The following RERE variants were observed in gnomAD, a reference collection of about 807,000 sequenced individuals.
RERE encodes the protein arginine-glutamic acid dipeptide repeats protein.
A neutral mutation model predicts 146.1 loss-of-function variants in RERE; 40 were observed. The ratio of observed to expected loss-of-function variants is 0.27; its 90% CI spans 0.21 to 0.36. The LOEUF is 0.36. Among genes scored for constraint, RERE ranks in the 10% least tolerant of loss-of-function variants. The pLI is 1.00. For synonymous variants in RERE, 1,003 were observed against 866.0 expected (o/e 1.16, Z -2.78); for missense variants, 1,933 against 2,138.7 (o/e 0.90, Z 1.90).
chr1:8,562,788 A>G (rs1306722699), intron 4 of RERE, among the ~76,000 whole-genome samples: 3 of 152,086 alleles, frequency 2.0e-5, no homozygotes. Flanking sequence ...TAAATTATAG[A>G]CCCTGGCTGG....
chr1:8,772,885 T>C (rs6677718), intron 1 of RERE, among the ~76,000 whole-genome samples: 82,588 of 151,980 alleles, frequency 0.54, 23,110 homozygotes, highest in East Asian at 0.83. Flanking sequence ...GGCCAGGAGT[T>C]CAAGGCCAGC....
chr1:8,372,332 G>A (rs115189806), intron 12 of RERE, among the ~76,000 whole-genome samples: 402 of 152,188 alleles, frequency 2.6e-3, no homozygotes, highest in African/African-American at 9.5e-3. Flanking sequence ...AGAAGCATAA[G>A]GGTACACCCA....
intron 12 of RERE, among the ~76,000 whole-genome samples, chr1:8,402,322 G>C (rs530658718): frequency 7.2e-5 from 11 of 152,302 alleles, no homozygotes; most frequent in African/African-American, 2.6e-4. Flanking sequence ...ATCACAGCCA[G>C]GTGGCAGAAA....
chr1:8,589,931 C>T (rs1440116995), intron 4 of RERE, among the ~76,000 whole-genome samples: 1 of 152,232 alleles, frequency 6.6e-6, no homozygotes, highest in African/African-American at 2.4e-5. Context: ...CTAGGTAGAA[C>T]ATCTCTTGTC....
At chr1:8,570,257 A>G (rs1557691305) in intron 4 of RERE, among the ~76,000 whole-genome samples, 1 of 152,056 alleles carries the variant, frequency 6.6e-6, no homozygotes, top group East Asian at 1.9e-4. Flanking sequence ...GAATTGCTTG[A>G]ACCGGGGAAG....
intron 2 of RERE, among the ~76,000 whole-genome samples, chr1:8,637,758 T>C (rs991536955): frequency 1.3e-5 from 2 of 152,228 alleles, no homozygotes; most frequent in East Asian, 1.9e-4. Flanking sequence ...TTTGTTGACA[T>C]TAAAGTTACA....
chr1:8,815,084 T>G (rs1343528171), intron 1 of RERE, among the ~76,000 whole-genome samples: 1 of 152,180 alleles, frequency 6.6e-6, no homozygotes, highest in Non-Finnish European at 1.5e-5. Context: ...CAGTAGAAGG[T>G]GCTATTCTGC....
At chr1:8,401,029 A>C (rs1643236554) in intron 12 of RERE, among the ~76,000 whole-genome samples, 1 of 74,668 alleles carries the variant, frequency 1.3e-5, no homozygotes, top group Non-Finnish European at 2.7e-5. Context: ...AAAAAAAAAA[A>C]AAAAAAACCA....
At position 8,352,975 on chromosome 1, in the gene RERE, T is replaced by C. The variant is rs1641154268; in HGVS notation, c.*2112A>G. ...TAACTGAATGGTAGATGTTGTGTTC[T>C]ACCAAAAAGAAAGAAAAACCAGAAG... On this transcript the variant is annotated 3_prime_UTR_variant, in exon 23 of 23. Coordinates refer to ENST00000400908, the MANE Select transcript of RERE (RefSeq NM_001042681.2). 1 of 152,502 alleles carries C rather than the reference T, an allele frequency of 6.6e-6. No homozygotes were observed. Among genetic ancestry groups the C allele is most frequent in the Non-Finnish European group, 1.5e-5 (1 of 68,046 alleles). 9.4% of individuals were successfully genotyped at this position (152,502 alleles called of 1,614,324 possible).
chr1:8,372,349 A>C (rs933740585), intron 12 of RERE, among the ~76,000 whole-genome samples: 1 of 152,122 alleles, frequency 6.6e-6, no homozygotes, highest in Non-Finnish European at 1.5e-5. Flanking sequence ...CCCAAGATTG[A>C]GTCCCACTTT....
intron 1 of RERE, among the ~76,000 whole-genome samples, chr1:8,784,041 G>C (rs1641216834): frequency 6.6e-6 from 1 of 152,176 alleles, no homozygotes; most frequent in Non-Finnish European, 1.5e-5. Flanking sequence ...CACAATAAAT[G>C]TCTGTTGTGT....
At chr1:8,592,520 C>T (rs1014361534) in intron 4 of RERE, among the ~76,000 whole-genome samples, 8 of 152,082 alleles carry the variant, frequency 5.3e-5, no homozygotes, top group African/African-American at 1.9e-4. Context: ...GATCCACCCG[C>T]TTCGGCCTCC....
chr1:8,709,563 T>C (rs887148383), intron 1 of RERE, among the ~76,000 whole-genome samples: 1 of 152,238 alleles, frequency 6.6e-6, no homozygotes, highest in Non-Finnish European at 1.5e-5. Context: ...TTCATTTGTC[T>C]GAGGGTTCAC....
chr1:8,718,921 C>T (rs1639810147), intron 1 of RERE, among the ~76,000 whole-genome samples: 1 of 152,120 alleles, frequency 6.6e-6, no homozygotes, highest in Non-Finnish European at 1.5e-5. Flanking sequence ...TGCCAGACAC[C>T]ATTAACCGTG....
chr1:8,685,980 AT>A (rs3044418), intron 1 of RERE, among the ~76,000 whole-genome samples: 33,814 of 144,044 alleles, frequency 0.23, 4,279 homozygotes, highest in Non-Finnish European at 0.32. Context: ...TCTTTAGGTA[AT>A]TTTTTTTTTT....
intron 4 of RERE, among the ~76,000 whole-genome samples, chr1:8,592,709 C>A (rs1646510203): frequency 6.6e-6 from 1 of 152,048 alleles, no homozygotes; most frequent in Admixed American, 6.5e-5. Flanking sequence ...TAGTGAGATC[C>A]CATCTCAAAA....
intron 19 of RERE, 139 bp downstream of exon 19, chr1:8,359,625 G>A: frequency 2.1e-6 from 2 of 932,764 alleles, no homozygotes; most frequent in Non-Finnish European, 3.3e-6. Context: ...TGTGGAGACA[G>A]GGTGTAAATA....
chr1:8,511,306 T>C (rs1350624299), intron 7 of RERE, among the ~76,000 whole-genome samples: 1 of 152,178 alleles, frequency 6.6e-6, no homozygotes, highest in Non-Finnish European at 1.5e-5. Context: ...AGAGTACTAA[T>C]AAGTAGGCTA....
intron 10 of RERE, among the ~76,000 whole-genome samples, chr1:8,494,458 G>T (rs1570333779): frequency 6.6e-6 from 1 of 152,150 alleles, no homozygotes. Flanking sequence ...CGGGCGTGGT[G>T]GCTCACGCCT....
Sources: allele counts gnomAD v4.1 joint callset (sites outside exome capture counted in the v4.1 genomes callset), GRCh38; gene constraint gnomAD v4.1.1; transcripts MANE v1.5; gene names NCBI Gene and HGNC (gene_info 2026-07-23, HGNC 2026-07-21).